Variants in PARD3B observed in about 807,000 individuals in gnomAD.
PARD3B encodes the protein partitioning defective 3 homolog B.
PARD3B carries 103 observed loss-of-function variants against 130.2 expected under a neutral mutation model. The ratio of observed to expected loss-of-function variants is 0.79; its 90% CI spans 0.67 to 0.93. PARD3B has a LOEUF of 0.93. Ranked by LOEUF, PARD3B falls within the 40% of genes least tolerant of loss-of-function variation. The pLI is 0.00. For synonymous variants in PARD3B, 583 were observed against 553.2 expected, an observed-to-expected ratio of 1.05 and a Z score of -0.76; for missense variants, 1,609 against 1,499.2, an observed-to-expected ratio of 1.07 and a Z score of -1.21.
chr2:205,254,053 G>C (rs2039967116), intron 16 of PARD3B, among the ~76,000 whole-genome samples: 1 of 119,814 alleles, frequency 8.3e-6, no homozygotes, highest in Non-Finnish European at 1.6e-5. Context: ...CACGTTGGAA[G>C]ACACACAGAG....
intron 22 of PARD3B, among the ~76,000 whole-genome samples, chr2:205,595,908 G>A (rs1212720183): frequency 6.7e-6 from 1 of 150,112 alleles, no homozygotes; most frequent in Non-Finnish European, 1.5e-5. Flanking sequence ...GTGAGTAACT[G>A]TACAAGAACA....
intron 3 of PARD3B, among the ~76,000 whole-genome samples, chr2:205,016,164 A>G (rs1294956871): frequency 6.6e-6 from 1 of 152,202 alleles, no homozygotes; most frequent in Non-Finnish European, 1.5e-5. Context: ...TTAAAATATA[A>G]AAGGCAAATA....
At chr2:205,379,492 A>AT (rs1291104765) in intron 18 of PARD3B, among the ~76,000 whole-genome samples, 1 of 152,110 alleles carries the variant, frequency 6.6e-6, no homozygotes, top group Non-Finnish European at 1.5e-5. Flanking sequence ...TTAAAAAAAA[A>AT]GCAAACATAG....
intron 4 of PARD3B, among the ~76,000 whole-genome samples, chr2:205,083,173 C>T (rs981160515): frequency 1.3e-5 from 2 of 151,944 alleles, no homozygotes; most frequent in African/African-American, 4.8e-5. Context: ...CCCATCTTGG[C>T]CTCGCAAAGT....
chr2:205,158,672 A>C lies in PARD3B; in HGVS notation c.1435-50A>C, dbSNP rs1261416807. The C allele has an allele frequency of 6.6e-7, 1 of 1,512,552 alleles. No homozygotes were observed. Among genetic ancestry groups the C allele is most frequent in the East Asian group, 2.3e-5 (1 of 44,036 alleles). The allele number at this position is 1,512,552 out of a possible 1,614,324, so 93.7% of individuals were successfully genotyped here. The stretch of plus-strand genomic sequence containing the variant: ...GTCTGGTCATCTGAGAGAGTGAAAT[A>C]TTAATCTGCTTTCTTCTCTTCACTC... On this transcript the variant is annotated intron_variant, in intron 10 of 22. Coordinates refer to ENST00000406610, the MANE Select transcript of PARD3B (RefSeq NM_001302769.2). This position sits in a 1 kb window ranked among gnomAD's most constrained non-coding sequence, Gnocchi z 5.4.
At chr2:204,855,030 T>C (rs1052397160) in intron 2 of PARD3B, among the ~76,000 whole-genome samples, 2 of 151,984 alleles carry the variant, frequency 1.3e-5, no homozygotes, top group African/African-American at 4.8e-5. Context: ...GGCTCACAGA[T>C]TGGTTGGATT....
intron 18 of PARD3B, among the ~76,000 whole-genome samples, chr2:205,389,545 T>G (rs1056563287): frequency 2.0e-5 from 3 of 152,134 alleles, no homozygotes; most frequent in Non-Finnish European, 4.4e-5. Flanking sequence ...GTATTTTTAG[T>G]AGAAACAGGG....
intron 2 of PARD3B, among the ~76,000 whole-genome samples, chr2:204,840,588 G>A (rs952523109): frequency 6.6e-6 from 1 of 151,614 alleles, no homozygotes; most frequent in Non-Finnish European, 1.5e-5. Context: ...CCATAGAACT[G>A]GAACAACTTG....
At chr2:205,296,953 T>A (rs1236638917) in intron 16 of PARD3B, among the ~76,000 whole-genome samples, 1 of 152,070 alleles carries the variant, frequency 6.6e-6, no homozygotes, top group African/African-American at 2.4e-5. Context: ...ACATTAAGAA[T>A]GTTTTTATTA....
At position 204,960,590 on chromosome 2, in the gene PARD3B, CAT is replaced by C. The variant is rs150811287; in HGVS notation, c.223-4561_223-4560del. Among the ~76,000 whole-genome samples the C allele has an allele frequency of 8.5e-3, 1,293 of 152,218 alleles. 7 individuals carry two copies. Among genetic ancestry groups the C allele is most frequent in the Middle Eastern group, 0.017 (5 of 294 alleles). ...AATATTTGAATGTTTATTCTAAAAA[CAT>C]GTGAAAAATCTAGGTGTCTTTTGTT... On this transcript the variant is annotated intron_variant, in intron 2 of 22. Transcript: ENST00000406610.
chr2:204,560,640 G>A (rs925399470), intron 1 of PARD3B, among the ~76,000 whole-genome samples: 8 of 152,142 alleles, frequency 5.3e-5, no homozygotes, highest in African/African-American at 1.7e-4. Context: ...TTTGAAGGAG[G>A]AGGTTGGGGA....
intron 2 of PARD3B, among the ~76,000 whole-genome samples, chr2:204,827,095 T>A (rs1038834489): frequency 5.9e-5 from 9 of 152,228 alleles, no homozygotes; most frequent in African/African-American, 2.2e-4. Context: ...TTTCTAGTGG[T>A]TGATCTTATG....
At chr2:205,439,868 G>A (rs954503543) in intron 19 of PARD3B, among the ~76,000 whole-genome samples, 1 of 152,110 alleles carries the variant, frequency 6.6e-6, no homozygotes, top group Non-Finnish European at 1.5e-5. Context: ...GAAAGCCTCT[G>A]TATTTCTTTT....
intron 22 of PARD3B, among the ~76,000 whole-genome samples, chr2:205,576,218 A>G (rs2053753929): frequency 6.6e-6 from 1 of 151,104 alleles, no homozygotes; most frequent in Non-Finnish European, 1.5e-5. Flanking sequence ...TTTGTAATTG[A>G]GTTTGTTTTC....
chr2:205,154,363 A>G (rs1038499116), intron 10 of PARD3B, among the ~76,000 whole-genome samples: 4 of 152,290 alleles, frequency 2.6e-5, no homozygotes, highest in African/African-American at 7.2e-5. Flanking sequence ...TCTCACACCA[A>G]TTAGAATGAC....
At chr2:205,157,875 A>G (rs1421078711) in intron 10 of PARD3B, among the ~76,000 whole-genome samples, 4 of 152,204 alleles carry the variant, frequency 2.6e-5, no homozygotes, top group South Asian at 2.1e-4. Context: ...CCACTGCTGT[A>G]TATTTGAAAA....
intron 3 of PARD3B, among the ~76,000 whole-genome samples, chr2:205,045,473 C>A (rs1222943301): frequency 6.6e-6 from 1 of 151,994 alleles, no homozygotes; most frequent in Non-Finnish European, 1.5e-5. Context: ...GTCTCGAACT[C>A]CTGACCTCCA....
intron 20 of PARD3B, among the ~76,000 whole-genome samples, chr2:205,488,641 A>G (rs916612875): frequency 6.6e-6 from 1 of 152,196 alleles, no homozygotes; most frequent in Non-Finnish European, 1.5e-5. Context: ...ATACAAGGCC[A>G]TGTTGTACAA....
At chr2:205,104,723 CT>C (rs1447042757) in intron 5 of PARD3B, among the ~76,000 whole-genome samples, 1 of 152,078 alleles carries the variant, frequency 6.6e-6, no homozygotes, top group Non-Finnish European at 1.5e-5. Flanking sequence ...ACAAATGATC[CT>C]TAATCCATCC....
Sources: gnomAD v4.1 joint callset for allele counts (sites outside exome capture counted in the v4.1 genomes callset) on GRCh38, gnomAD v4.1.1 for gene constraint, Gnocchi (gnomAD v3.1) non-coding constraint, MANE v1.5 for transcripts, NCBI Gene and HGNC (gene_info 2026-07-23, HGNC 2026-07-21) for gene names.